BMPR2: variants seen among roughly 807,000 people sequenced by gnomAD.
The protein encoded by BMPR2 is bone morphogenetic protein receptor type-2.
A neutral mutation model predicts 100.8 loss-of-function variants in BMPR2; 29 were observed. The ratio of observed to expected loss-of-function variants is 0.29; its 90% CI spans 0.21 to 0.39. The LOEUF is 0.39. BMPR2 is among the 10% of genes least tolerant of loss of function. The pLI is 1.00. For missense variants in BMPR2, 1,011 were observed against 1,274.5 expected (o/e 0.79, Z 3.15); for synonymous variants, 382 against 442.3 (o/e 0.86, Z 1.71).
chr2:202,533,959 G>C (rs183669943), intron 9 of BMPR2, among the ~76,000 whole-genome samples: 7 of 152,188 alleles, frequency 4.6e-5, no homozygotes, highest in Admixed American at 3.3e-4. Context: ...TATAAATCTG[G>C]CATTGCATTC....
In BMPR2 at chr2:202,477,103, A is replaced by G. The variant is rs538591472; in HGVS notation, c.418+9414A>G. Among the ~76,000 whole-genome samples, 4 of 152,358 alleles carry G rather than the reference A, an allele frequency of 2.6e-5. No individual in the cohort carries two copies. The South Asian group carries it at 8.3e-4, about 32-fold the overall frequency. ...GTTAAACTTGCTAAACATAACCTTG[A>G]GCAGATTATTTAGCCTCTGTGCATC... On this transcript the variant is annotated intron_variant, in intron 3 of 12. Transcript: ENST00000374580.
intron 2 of BMPR2, chr2:202,466,913 C>T (rs1692334948): frequency 1.3e-5 from 2 of 153,332 alleles, no homozygotes; most frequent in South Asian, 2.1e-4. Flanking sequence ...ATTTTTTAAA[C>T]CTAAAACAAT....
At chr2:202,425,741 A>G (rs528626488) in intron 1 of BMPR2, among the ~76,000 whole-genome samples, 43 of 152,326 alleles carry the variant, frequency 2.8e-4, no homozygotes, top group African/African-American at 1.0e-3. Context: ...TGAAAAATTT[A>G]AAGCTTTTAG....
chr2:202,458,885 A>G (rs1692173655), intron 1 of BMPR2, among the ~76,000 whole-genome samples: 1 of 152,164 alleles, frequency 6.6e-6, no homozygotes, highest in Non-Finnish European at 1.5e-5. Flanking sequence ...GTTCTTCATA[A>G]TTGTGTACAG....
Position 202,567,252 on chromosome 2 carries a change from A to C in BMPR2, c.*7306A>C, listed in dbSNP as rs546032510. 1 of 152,598 alleles carries C rather than the reference A, an allele frequency of 6.6e-6. No homozygotes were observed. The highest frequency in any genetic ancestry group is 1.5e-5 in the Non-Finnish European group (1 of 68,032). 9.5% of individuals were successfully genotyped at this position (152,598 alleles called of 1,614,324 possible). A position where few individuals can be genotyped will look rare whatever the true frequency, so the allele number is the denominator to read the frequency against. On this transcript the variant is annotated 3_prime_UTR_variant, in exon 13 of 13. Transcript: ENST00000374580. ...CATGCTTTTTCTGAATGGACAGGAG[A>C]AACATAAGCTACGGAGTATTCACTT...
chr2:202,540,476 G>T (rs1293978609), intron 9 of BMPR2, among the ~76,000 whole-genome samples: 2 of 152,130 alleles, frequency 1.3e-5, no homozygotes, highest in Non-Finnish European at 2.9e-5. Flanking sequence ...CTGCTTAAAT[G>T]TTTACAGTAT....
Position 202,558,692 on chromosome 2 carries a change from G to A in BMPR2, c.2867-1004G>A, listed in dbSNP as rs532140647. Among the ~76,000 whole-genome samples the A allele has an allele frequency of 1.1e-4, 16 of 151,716 alleles. No homozygotes were observed. In the South Asian group the frequency reaches 2.3e-3, roughly 22 times the overall value. On this transcript the variant is annotated intron_variant, in intron 12 of 12. Transcript: ENST00000374580. ...GCGGATCACCTGAGGTCGGGAGTTC[G>A]AGACCAACCTGACCAACATGGAGAA...
In BMPR2 at chr2:202,376,918, T is replaced by A. The variant is rs1290822981; in HGVS notation, c.-557T>A. 6 of 436,522 alleles carry A rather than the reference T, an allele frequency of 1.4e-5. No individual in the cohort carries two copies. The East Asian group carries it at 2.0e-4, about 15-fold the overall frequency. The allele number at this position is 436,522 out of a possible 1,614,324, so 27.0% of individuals were successfully genotyped here. A position where few individuals can be genotyped will look rare whatever the true frequency, so the allele number is the denominator to read the frequency against. On this transcript the variant is annotated 5_prime_UTR_variant, in exon 1 of 13. Transcript: ENST00000374580. ...CCAGTCAAGGAAGAGGATTTGTTGT[T>A]TTCGAAATCAGAGTGAAGGAAGCAC...
chr2:202,416,078 G>A lies in BMPR2; in HGVS notation c.76+38528G>A, dbSNP rs138295708. On this transcript the variant is annotated intron_variant, in intron 1 of 12. Coordinates refer to ENST00000374580, the MANE Select transcript of BMPR2 (RefSeq NM_001204.7). Reference sequence around the variant, plus strand: ...TTCATGGGAGGAGGTTAAAATATCAGTACTAACAGGAATTTGGAAGAAGTT... The same window carrying A: ...TTCATGGGAGGAGGTTAAAATATCAATACTAACAGGAATTTGGAAGAAGTT... 5.3e-5 allele frequency among the ~76,000 whole-genome samples: 8 copies of A among 152,260 alleles called. No individual in the cohort carries two copies. The East Asian group carries it at 1.5e-3, about 29-fold the overall frequency.
At chr2:202,534,462 T>C (rs1173043571) in intron 9 of BMPR2, among the ~76,000 whole-genome samples, 1 of 151,760 alleles carries the variant, frequency 6.6e-6, no homozygotes, top group East Asian at 1.9e-4. Context: ...GTGATGACTC[T>C]TAACGAGCAT....
In BMPR2 at chr2:202,532,869, G is replaced by T. The variant is rs1245180820; in HGVS notation, c.1276+137G>T. 1.8e-6 allele frequency: 2 copies of T among 1,083,470 alleles called. No individual in the cohort carries two copies. The highest frequency in any genetic ancestry group is 3.2e-5 in the African/African-American group (2 of 62,400). 67.1% of individuals were successfully genotyped at this position (1,083,470 alleles called of 1,614,324 possible). A position where few individuals can be genotyped will look rare whatever the true frequency, so the allele number is the denominator to read the frequency against. The stretch of plus-strand genomic sequence containing the variant: ...TAAACCTTTAGTTCATTGCTATCTA[G>T]TGTTTAGAAACATTATTAGCAGCAG... On this transcript the variant is annotated intron_variant, in intron 9 of 12. Transcript: ENST00000374580. The surrounding 1 kb of genome is among the most constrained non-coding windows in gnomAD (Gnocchi z 4.1).
intron 11 of BMPR2, among the ~76,000 whole-genome samples, chr2:202,553,360 C>T (rs950282879): frequency 6.6e-6 from 1 of 151,986 alleles, no homozygotes; most frequent in Non-Finnish European, 1.5e-5. Flanking sequence ...ATAGAATATA[C>T]TACTACTACT....
At chr2:202,392,071 C>G (rs1690561559) in intron 1 of BMPR2, among the ~76,000 whole-genome samples, 1 of 147,462 alleles carries the variant, frequency 6.8e-6, no homozygotes, top group African/African-American at 2.6e-5. Flanking sequence ...ACAGTCTACA[C>G]TCTTTTTTTT....
rs1364696509 is a variant in BMPR2, at chr2:202,555,702, A to G, written c.2037A>G (p.Glu679=). Residue 679 remains glutamate, a synonymous_variant, in exon 12 of 13, where the codon GAA becomes GAG. Transcript: ENST00000374580. ...DPKEVDKNLK[E]SSDENLMEHS... ...AAGAAGTTGATAAGAACCTCAAGGAAAGCTCTGATGAGAATCTCATGGAGC... is the reference window on the plus strand; with the variant it reads ...AAGAAGTTGATAAGAACCTCAAGGAGAGCTCTGATGAGAATCTCATGGAGC... 10 of 1,614,136 alleles carry G rather than the reference A, an allele frequency of 6.2e-6. No homozygotes were observed. Among genetic ancestry groups the G allele is most frequent in the Non-Finnish European group, 8.5e-6 (10 of 1,180,024 alleles).
At chr2:202,542,176 C>T (rs1485315889) in intron 9 of BMPR2, 135 bp from the exon 10 acceptor site, 5 of 1,009,906 alleles carry the variant, frequency 5.0e-6, no homozygotes, top group Middle Eastern at 6.1e-4. Context: ...TCCAAATGTG[C>T]CTGAAGGGGA....
At chr2:202,386,116 G>GA (rs1295728195) in intron 1 of BMPR2, among the ~76,000 whole-genome samples, 1 of 151,968 alleles carries the variant, frequency 6.6e-6, no homozygotes, top group Non-Finnish European at 1.5e-5. Context: ...TGTGTTTCAG[G>GA]ATTCAGTCTT....
At chr2:202,559,356 A>G (rs2105715822) in intron 12 of BMPR2, among the ~76,000 whole-genome samples, 1 of 152,282 alleles carries the variant, frequency 6.6e-6, no homozygotes, top group South Asian at 2.1e-4. Flanking sequence ...AATTAAATAC[A>G]ATAATTAAGT....
At position 202,532,236 on chromosome 2, in the gene BMPR2, C is replaced by T. The variant is rs762586704; in HGVS notation, c.1129-349C>T. 2.6e-5 allele frequency among the ~76,000 whole-genome samples: 4 copies of T among 151,896 alleles called. No homozygotes were observed. The highest frequency in any genetic ancestry group is 5.9e-5 in the Non-Finnish European group (4 of 67,984). ...GATTACAGGCATGAGCCACTGCACC[C>T]GGCCACCCAGCTGTATTTTTGTGAA... On this transcript the variant is annotated intron_variant, in intron 8 of 12. Coordinates refer to ENST00000374580, the MANE Select transcript of BMPR2 (RefSeq NM_001204.7). The surrounding 1 kb of genome is among the most constrained non-coding windows in gnomAD (Gnocchi z 4.1).
intron 1 of BMPR2, among the ~76,000 whole-genome samples, chr2:202,397,062 G>T (rs979230123): frequency 6.6e-6 from 1 of 152,154 alleles, no homozygotes; most frequent in Non-Finnish European, 1.5e-5. Flanking sequence ...CTCCCAAAGT[G>T]CTGGGATTAC....
Sources: allele counts gnomAD v4.1 joint callset (sites outside exome capture counted in the v4.1 genomes callset), GRCh38; gene constraint gnomAD v4.1.1; non-coding constraint Gnocchi (gnomAD v3.1); transcripts MANE v1.5; gene names NCBI Gene and HGNC (gene_info 2026-07-23, HGNC 2026-07-21).